The following MAPK10 variants were observed in gnomAD, a reference collection of about 807,000 sequenced individuals.
The protein encoded by MAPK10 is JNK3 alpha protein kinase.
A neutral mutation model predicts 59.3 loss-of-function variants in MAPK10; 25 were observed. The observed-to-expected ratio is 0.42, with a 90% CI of 0.31 to 0.59. MAPK10 has a LOEUF of 0.59. Ranked by LOEUF, MAPK10 falls within the 20% of genes least tolerant of loss-of-function variation. The probability of loss-of-function intolerance (pLI) is 0.15; values close to 1 mark genes in which losing one functional copy is unlikely to be tolerated. For synonymous variants in MAPK10, 190 were observed against 200.5 expected, an observed-to-expected ratio of 0.95 and a Z score of 0.44; for missense variants, 351 against 568.9, an observed-to-expected ratio of 0.62 and a Z score of 3.90.
chr4:86,123,432 G>T (rs76184394), intron 4 of MAPK10, among the ~76,000 whole-genome samples: 7,489 of 152,052 alleles, frequency 0.049, 618 homozygotes, highest in African/African-American at 0.17. Flanking sequence ...GATTGCTGGA[G>T]CATATGGAAG....
At chr4:86,268,999 A>G (rs1412320017) in intron 2 of MAPK10, among the ~76,000 whole-genome samples, 9 of 152,134 alleles carry the variant, frequency 5.9e-5, no homozygotes, top group Non-Finnish European at 1.2e-4. Context: ...TATTACATAT[A>G]CGGTAATGAT....
At chr4:86,201,155 T>C (rs768247721) in intron 2 of MAPK10, among the ~76,000 whole-genome samples, 1 of 151,936 alleles carries the variant, frequency 6.6e-6, no homozygotes, top group East Asian at 1.9e-4. Context: ...GTTCTGTCCA[T>C]GTTGTTGTAA....
intron 1 of MAPK10, among the ~76,000 whole-genome samples, chr4:86,526,502 T>A (rs982065136): frequency 1.3e-5 from 2 of 152,222 alleles, no homozygotes. Context: ...TCTATTGATC[T>A]TGTTCATCCT....
chr4:86,246,366 G>C (rs886943239), intron 2 of MAPK10, among the ~76,000 whole-genome samples: 2 of 152,176 alleles, frequency 1.3e-5, no homozygotes, highest in African/African-American at 4.8e-5. Flanking sequence ...ATGAGGCGGA[G>C]CTTGCAGTGA....
At chr4:86,408,966 C>T (rs993366711) in intron 1 of MAPK10, among the ~76,000 whole-genome samples, 26 of 152,040 alleles carry the variant, frequency 1.7e-4, no homozygotes, top group Admixed American at 1.3e-3. Flanking sequence ...CTAGTCATGA[C>T]GTCTTTGCCC....
intron 1 of MAPK10, 52 bp downstream of exon 1, chr4:86,359,606 C>T (rs1736438627): frequency 2.3e-6 from 2 of 881,766 alleles, no homozygotes; most frequent in East Asian, 1.2e-4. Flanking sequence ...ATAGACATCA[C>T]CCCACCCTCC....
intron 3 of MAPK10, among the ~76,000 whole-genome samples, chr4:86,182,880 CCA>C (rs1226531943): frequency 6.6e-6 from 1 of 151,970 alleles, no homozygotes; most frequent in Non-Finnish European, 1.5e-5. Flanking sequence ...GCAAGAAAAT[CCA>C]GTCATTAAGA....
At chr4:86,572,786 G>A (rs555190776) in intron 1 of MAPK10, among the ~76,000 whole-genome samples, 2 of 152,190 alleles carry the variant, frequency 1.3e-5, no homozygotes, top group Admixed American at 6.5e-5. Context: ...GAAAGTTCCC[G>A]CTGATTTGCA....
chr4:86,357,228 T>G (rs1734969606), intron 1 of MAPK10, among the ~76,000 whole-genome samples: 1 of 152,194 alleles, frequency 6.6e-6, no homozygotes, highest in African/African-American at 2.4e-5. Context: ...GCTACAAATG[T>G]GACCTGAGGC....
intron 1 of MAPK10, among the ~76,000 whole-genome samples, chr4:86,548,422 G>C (rs1329390729): frequency 6.6e-6 from 1 of 151,928 alleles, no homozygotes; most frequent in Non-Finnish European, 1.5e-5. Context: ...GTGAGACCAA[G>C]AACCCACCAA....
chr4:86,033,972 A>G (rs186131295), intron 11 of MAPK10, among the ~76,000 whole-genome samples: 2 of 152,090 alleles, frequency 1.3e-5, no homozygotes, highest in African/African-American at 4.8e-5. Flanking sequence ...GCTAAGGAGA[A>G]GTTGGTATTT....
intron 1 of MAPK10, among the ~76,000 whole-genome samples, chr4:86,355,056 T>C (rs914525070): frequency 2.6e-5 from 4 of 152,128 alleles, no homozygotes; most frequent in Non-Finnish European, 4.4e-5. Context: ...GAGGAGAATT[T>C]TGAAAACCTC....
chr4:86,035,943 T>A (rs1256061558), intron 11 of MAPK10, among the ~76,000 whole-genome samples: 2 of 152,090 alleles, frequency 1.3e-5, no homozygotes. Flanking sequence ...GTGGATGAGG[T>A]CACCCAGGGA....
At position 86,029,193 on chromosome 4, in the gene MAPK10, G is replaced by A. The variant is rs778173279; in HGVS notation, c.1252+4C>T. ...TTTATTGGTTATTCACGGAGAGTGAGTACCTGAAGGAGAAGGCTGTCCTTT... is the reference window on the plus strand; with the variant it reads ...TTTATTGGTTATTCACGGAGAGTGAATACCTGAAGGAGAAGGCTGTCCTTT... On this transcript the variant is annotated splice_donor_region_variant and intron_variant, in intron 13 of 13. Transcript: ENST00000641462. 27 of 1,596,754 alleles carry A rather than the reference G, an allele frequency of 1.7e-5. No individual in the cohort carries two copies. The highest frequency in any genetic ancestry group is 2.3e-5 in the Non-Finnish European group (27 of 1,164,872).
intron 1 of MAPK10, among the ~76,000 whole-genome samples, chr4:86,533,806 A>C (rs1384837813): frequency 6.6e-6 from 1 of 152,214 alleles, no homozygotes; most frequent in Non-Finnish European, 1.5e-5. Flanking sequence ...CCTATTCACT[A>C]TCCCACTGTT....
intron 2 of MAPK10, among the ~76,000 whole-genome samples, chr4:86,198,056 T>G (rs762747691): frequency 1.2e-4 from 19 of 152,100 alleles, no homozygotes; most frequent in African/African-American, 4.6e-4. Context: ...TGTATGGGGA[T>G]GGGGAGAAAC....
At chr4:86,315,536 A>T (rs1164546954) in intron 2 of MAPK10, among the ~76,000 whole-genome samples, 1 of 152,162 alleles carries the variant, frequency 6.6e-6, no homozygotes, top group Non-Finnish European at 1.5e-5. Context: ...CCTACTATGT[A>T]CCTACAAAAA....
At position 86,124,853 on chromosome 4, in the gene MAPK10, G is replaced by T. The variant is rs1025270829; in HGVS notation, c.237-17501C>A. On this transcript the variant is annotated intron_variant, in intron 4 of 13. Transcript: ENST00000641462. ...GCAGGATTGAAATATGATTTTAAAGGCCTATAATTTTTCTGCATCTAAATT... is the reference window on the plus strand; with the variant it reads ...GCAGGATTGAAATATGATTTTAAAGTCCTATAATTTTTCTGCATCTAAATT... 8.6e-5 allele frequency: 13 copies of T among 151,568 alleles called. No homozygotes were observed. The South Asian group carries it at 1.5e-3, about 17-fold the overall frequency. The allele number at this position is 151,568 out of a possible 1,614,324, so 9.4% of individuals were successfully genotyped here. A position where few individuals can be genotyped will look rare whatever the true frequency, so the allele number is the denominator to read the frequency against.
At chr4:86,552,124 G>T (rs1252184044) in intron 1 of MAPK10, among the ~76,000 whole-genome samples, 1 of 151,800 alleles carries the variant, frequency 6.6e-6, no homozygotes, top group Non-Finnish European at 1.5e-5. Flanking sequence ...GGCCAGTTAA[G>T]ACAGGGAGAA....
Sources: gnomAD v4.1 joint callset for allele counts (sites outside exome capture counted in the v4.1 genomes callset) on GRCh38, gnomAD v4.1.1 for gene constraint, MANE v1.5 for transcripts, NCBI Gene and HGNC (gene_info 2026-07-23, HGNC 2026-07-21) for gene names.